The following CHRM3 variants were observed in gnomAD, a reference collection of about 807,000 sequenced individuals.
CHRM3 encodes muscarinic acetylcholine receptor M3.
Under a neutral mutation model 41.8 loss-of-function variants are expected in CHRM3, and 11 were observed. That is an observed-to-expected ratio of 0.26 (90% CI 0.17 to 0.44). The LOEUF (loss-of-function observed/expected upper bound fraction) is 0.44. CHRM3 is among the 20% of genes least tolerant of loss of function. CHRM3 has a pLI of 1.00. For missense variants in CHRM3, 571 were observed against 745.4 expected (o/e 0.77, Z 2.72); for synonymous variants, 297 against 301.4 (o/e 0.99, Z 0.15).
intron 5 of CHRM3, among the ~76,000 whole-genome samples, chr1:239,692,010 G>A (rs1659764500): frequency 6.6e-6 from 1 of 152,190 alleles, no homozygotes; most frequent in Admixed American, 6.5e-5. Flanking sequence ...TGTCACCAGT[G>A]TCTTACATCA....
intron 1 of CHRM3, among the ~76,000 whole-genome samples, chr1:239,403,976 G>GGAGAGAGAGA (rs531556599): frequency 0.02 from 918 of 46,500 alleles, 106 homozygotes; most frequent in Middle Eastern, 0.031. Flanking sequence ...AGAGGGAGGG[G>GGAGAGAGAGA]GAGAGAGAGA....
chr1:239,693,489 T>G (rs376273176), intron 5 of CHRM3, among the ~76,000 whole-genome samples: 1 of 152,162 alleles, frequency 6.6e-6, no homozygotes, highest in African/African-American at 2.4e-5. Context: ...CCTCTAGAAC[T>G]CTGAAAAATA....
intron 6 of CHRM3, among the ~76,000 whole-genome samples, chr1:239,852,705 T>A (rs645820): frequency 0.87 from 132,768 of 152,178 alleles, 60,597 homozygotes; most frequent in East Asian, 1. Flanking sequence ...TATTTTAACG[T>A]TAGTCTTCAG....
intron 6 of CHRM3, among the ~76,000 whole-genome samples, chr1:239,868,113 A>C (rs1183899081): frequency 6.6e-6 from 1 of 152,226 alleles, no homozygotes; most frequent in Non-Finnish European, 1.5e-5. Flanking sequence ...ACTGTAAAGA[A>C]AGAAAGGCGA....
At chr1:239,417,555 T>G (rs904644706) in intron 1 of CHRM3, among the ~76,000 whole-genome samples, 29 of 150,278 alleles carry the variant, frequency 1.9e-4, no homozygotes, top group African/African-American at 5.4e-4. Flanking sequence ...TATGTCAGAT[T>G]GAGAAAATAG....
At chr1:239,659,000 A>T (rs528348567) in intron 4 of CHRM3, among the ~76,000 whole-genome samples, 55 of 152,152 alleles carry the variant, frequency 3.6e-4, no homozygotes, top group African/African-American at 1.3e-3. Flanking sequence ...GGCCTCCCAA[A>T]GTGCTGGGAT....
At chr1:239,746,659 T>C (rs998945476) in intron 5 of CHRM3, among the ~76,000 whole-genome samples, 1 of 152,178 alleles carries the variant, frequency 6.6e-6, no homozygotes, top group Admixed American at 6.5e-5. Flanking sequence ...GTTTGAAGGA[T>C]CAAAAAATAT....
chr1:239,652,641 G>GA (rs5782088), intron 4 of CHRM3, among the ~76,000 whole-genome samples: 51,675 of 149,148 alleles, frequency 0.35, 9,155 homozygotes, highest in African/African-American at 0.43. Context: ...ACTATGACAG[G>GA]AAAAAAAAAA....
intron 2 of CHRM3, among the ~76,000 whole-genome samples, chr1:239,526,510 GTATTT>G (rs1290839062): frequency 2.6e-5 from 4 of 152,268 alleles, no homozygotes; most frequent in African/African-American, 9.6e-5. Context: ...CTGGGTGTCA[GTATTT>G]GCTAGAAGCC....
rs544888145 is a variant in CHRM3, at chr1:239,804,504, C to T, written c.-146-22748C>T. 1.3e-4 allele frequency among the ~76,000 whole-genome samples: 20 copies of T among 152,206 alleles called. No individual in the cohort carries two copies. In the East Asian group the frequency reaches 3.7e-3, roughly 28 times the overall value. ...CCGCTCTGTGTAGGCGGAGGTCCTG[C>T]CTACCACTTATTACTGTTGCCAGTG... On this transcript the variant is annotated intron_variant, in intron 5 of 6. Transcript: ENST00000676153.
intron 2 of CHRM3, among the ~76,000 whole-genome samples, chr1:239,511,574 A>G (rs978923622): frequency 2.6e-5 from 4 of 152,306 alleles, no homozygotes; most frequent in Middle Eastern, 3.4e-3. Flanking sequence ...AGTTTGTGAA[A>G]TGATTTCAAC....
intron 4 of CHRM3, among the ~76,000 whole-genome samples, chr1:239,664,816 G>T (rs913820520): frequency 6.6e-6 from 1 of 152,136 alleles, no homozygotes; most frequent in African/African-American, 2.4e-5. Flanking sequence ...CTCAGTGTGG[G>T]TCTTCCTGGC....
chr1:239,651,245 A>G (rs1672214945), intron 4 of CHRM3, among the ~76,000 whole-genome samples: 1 of 152,220 alleles, frequency 6.6e-6, no homozygotes, highest in South Asian at 2.1e-4. Context: ...TAATTAGAGA[A>G]TATCTTATAT....
intron 2 of CHRM3, among the ~76,000 whole-genome samples, chr1:239,500,330 G>A (rs1226762891): frequency 6.6e-6 from 1 of 151,972 alleles, no homozygotes; most frequent in Non-Finnish European, 1.5e-5. Flanking sequence ...CGTGGATGAA[G>A]TTGGAAACCA....
rs969830801 is a variant in CHRM3 at position 239,421,759 on chromosome 1, T to C, written c.-521+34532T>C. Among the ~76,000 whole-genome samples, 3 of 152,216 alleles carry C rather than the reference T, an allele frequency of 2.0e-5. No homozygotes were observed. The South Asian group carries it at 6.2e-4, about 31-fold the overall frequency. On this transcript the variant is annotated intron_variant, in intron 1 of 6. Coordinates refer to ENST00000676153, the MANE Select transcript of CHRM3 (RefSeq NM_001375978.1). ...ACGCTGTGGAATGCTTCATCTCTAC[T>C]GTATTCCTCATCTCTCTATTTCTCT...
chr1:239,509,280 A>G (rs755868989), intron 2 of CHRM3, among the ~76,000 whole-genome samples: 2 of 152,230 alleles, frequency 1.3e-5, no homozygotes, highest in Non-Finnish European at 2.9e-5. Flanking sequence ...CAGCAAGAAC[A>G]GGTGTTTTTT....
chr1:239,653,774 C>T (rs1039832388), intron 4 of CHRM3, among the ~76,000 whole-genome samples: 8 of 152,022 alleles, frequency 5.3e-5, no homozygotes, highest in Admixed American at 2.0e-4. Context: ...GTCATGTGTC[C>T]GCAGGGCTTC....
chr1:239,667,285 C>T (rs1003906013), intron 4 of CHRM3, among the ~76,000 whole-genome samples: 5 of 152,178 alleles, frequency 3.3e-5, no homozygotes, highest in Non-Finnish European at 7.3e-5. Context: ...CTTTTAATCT[C>T]CAAGGCATTA....
intron 5 of CHRM3, among the ~76,000 whole-genome samples, chr1:239,715,334 A>G (rs531518461): frequency 1.3e-5 from 2 of 152,134 alleles, no homozygotes; most frequent in African/African-American, 2.4e-5. Context: ...AATTTTTGTC[A>G]ATGATTTTAT....
Sources: gnomAD v4.1 joint callset for allele counts (sites outside exome capture counted in the v4.1 genomes callset) on GRCh38, gnomAD v4.1.1 for gene constraint, MANE v1.5 for transcripts, NCBI Gene and HGNC (gene_info 2026-07-23, HGNC 2026-07-21) for gene names.